The following ASAP1 variants were observed in gnomAD, a reference collection of about 807,000 sequenced individuals.
ASAP1 encodes the protein ArfGAP with SH3 domain, ankyrin repeat and PH domain 1.
A neutral mutation model predicts 145.2 loss-of-function variants in ASAP1; 43 were observed. The observed-to-expected ratio is 0.30, with a 90% CI of 0.23 to 0.38. ASAP1 has a LOEUF of 0.38. ASAP1 is among the 10% of genes least tolerant of loss of function. ASAP1 has a pLI of 1.00. For synonymous variants in ASAP1, 546 were observed against 515.5 expected (o/e 1.06, Z -0.80); for missense variants, 1,018 against 1,355.3 (o/e 0.75, Z 3.91).
rs138593403 is a variant in ASAP1, at chr8:130,306,613, T to C, written c.186+51404A>G. ...ACTAAGGGACAGATGTTAATAACCT[T>C]AGGGCACAAGCGGAACAAACTCAGC... On this transcript the variant is annotated intron_variant, in intron 3 of 29. Coordinates refer to ENST00000518721, the MANE Select transcript of ASAP1 (RefSeq NM_018482.4). Among the ~76,000 whole-genome samples the C allele has an allele frequency of 9.7e-4, 148 of 152,256 alleles. 2 individuals are homozygous for C. The highest frequency in any genetic ancestry group is 3.3e-3 in the African/African-American group (139 of 41,536).
At chr8:130,405,440 A>G (rs534127140) in intron 1 of ASAP1, among the ~76,000 whole-genome samples, 1 of 152,182 alleles carries the variant, frequency 6.6e-6, no homozygotes, top group Admixed American at 6.5e-5. Flanking sequence ...TGATGTACCA[A>G]CCTACCTCCA....
intron 3 of ASAP1, among the ~76,000 whole-genome samples, chr8:130,337,988 A>G (rs1825139235): frequency 6.6e-6 from 1 of 152,238 alleles, no homozygotes; most frequent in Non-Finnish European, 1.5e-5. Flanking sequence ...TTTGCTTCAC[A>G]ACAATCGTTG....
chr8:130,107,133 G>A (rs1389281962), intron 24 of ASAP1, among the ~76,000 whole-genome samples: 20 of 151,836 alleles, frequency 1.3e-4, no homozygotes, highest in Non-Finnish European at 2.9e-5. Flanking sequence ...GACAAGTATG[G>A]GGCAGGATTG....
rs193270534 is a variant in ASAP1, at chr8:130,272,173, A to C, written c.187-35179T>G. On this transcript the variant is annotated intron_variant, in intron 3 of 29. Transcript: ENST00000518721. ...AGCAAGACTCTGTCTCAAAAAACAA[A>C]AACAAAAAATGGGCAAAGGACATGA... 2.0e-3 allele frequency among the ~76,000 whole-genome samples: 304 copies of C among 152,138 alleles called. 1 individual carries two copies. The highest frequency in any genetic ancestry group is 0.01 in the Middle Eastern group (3 of 294).
chr8:130,360,560 CTAATT>C (rs1826663857), intron 2 of ASAP1: 1 of 152,162 alleles, frequency 6.6e-6, no homozygotes, highest in African/African-American at 2.4e-5. Flanking sequence ...AGGGTTCCAG[CTAATT>C]AAAGGGAAAT....
chr8:130,195,955 T>A (rs757869757), intron 5 of ASAP1, among the ~76,000 whole-genome samples: 1 of 152,240 alleles, frequency 6.6e-6, no homozygotes, highest in East Asian at 1.9e-4. Context: ...TTTACTGATT[T>A]ATCATCTTTC....
chr8:130,209,981 G>A (rs973080990), intron 5 of ASAP1, among the ~76,000 whole-genome samples: 6 of 152,142 alleles, frequency 3.9e-5, no homozygotes, highest in Admixed American at 3.9e-4. Context: ...AATTTGCCAC[G>A]AGCTGACAGT....
At chr8:130,394,343 G>C (rs760105031) in intron 2 of ASAP1, among the ~76,000 whole-genome samples, 1 of 152,132 alleles carries the variant, frequency 6.6e-6, no homozygotes, top group Non-Finnish European at 1.5e-5. Context: ...TTCTATGGTC[G>C]AGACTGTAGG....
intron 1 of ASAP1, among the ~76,000 whole-genome samples, chr8:130,429,048 C>T (rs1830048870): frequency 6.6e-6 from 1 of 152,186 alleles, no homozygotes; most frequent in Non-Finnish European, 1.5e-5. Context: ...GTAGCTGCAT[C>T]ACTGCAGTCA....
At chr8:130,195,241 A>T (rs1226541937) in intron 5 of ASAP1, 1 of 152,130 alleles carries the variant, frequency 6.6e-6, no homozygotes, top group Non-Finnish European at 1.5e-5. Context: ...CAACACATTT[A>T]AAATCATTTC....
intron 2 of ASAP1, among the ~76,000 whole-genome samples, chr8:130,392,814 G>A (rs35220844): frequency 0.095 from 14,479 of 151,966 alleles, 703 homozygotes; most frequent in Middle Eastern, 0.16. Context: ...GGGAGGGGCT[G>A]GGATCTTTTA....
intron 2 of ASAP1, among the ~76,000 whole-genome samples, chr8:130,373,388 G>A (rs1827323672): frequency 6.6e-6 from 1 of 152,078 alleles, no homozygotes; most frequent in Admixed American, 6.6e-5. Context: ...CAGTTATGCT[G>A]GGAATAGTGA....
At chr8:130,242,560 C>T (rs1181357661) in intron 3 of ASAP1, among the ~76,000 whole-genome samples, 4 of 152,028 alleles carry the variant, frequency 2.6e-5, no homozygotes, top group African/African-American at 9.7e-5. Flanking sequence ...GATTGAAGAG[C>T]AATGTGTTTA....
chr8:130,414,754 T>C (rs913162727), intron 1 of ASAP1, among the ~76,000 whole-genome samples: 1 of 151,408 alleles, frequency 6.6e-6, no homozygotes, highest in African/African-American at 2.4e-5. Context: ...TTCACTTCTA[T>C]AACTCTTTTT....
intron 18 of ASAP1, among the ~76,000 whole-genome samples, chr8:130,121,301 C>G (rs909491041): frequency 1.3e-5 from 2 of 152,194 alleles, no homozygotes; most frequent in African/African-American, 4.8e-5. Context: ...AACCTCAGCC[C>G]TACTGACATT....
At chr8:130,347,016 T>C (rs1384573764) in intron 3 of ASAP1, among the ~76,000 whole-genome samples, 1 of 152,210 alleles carries the variant, frequency 6.6e-6, no homozygotes, top group East Asian at 1.9e-4. Flanking sequence ...AGCCGTTCAA[T>C]GGAAGTAAAG....
intron 3 of ASAP1, among the ~76,000 whole-genome samples, chr8:130,354,601 C>T (rs980535422): frequency 6.6e-6 from 1 of 152,214 alleles, no homozygotes; most frequent in Non-Finnish European, 1.5e-5. Context: ...TTAGGGAAAA[C>T]GCTTATGCTC....
intron 3 of ASAP1, among the ~76,000 whole-genome samples, chr8:130,303,388 C>T (rs911903517): frequency 8.5e-5 from 13 of 152,212 alleles, no homozygotes; most frequent in African/African-American, 2.9e-4. Flanking sequence ...CTCTTTGTTG[C>T]GGGGGTCTCC....
chr8:130,257,734 A>T (rs1003927594), intron 3 of ASAP1, among the ~76,000 whole-genome samples: 3 of 152,090 alleles, frequency 2.0e-5, no homozygotes, highest in Non-Finnish European at 2.9e-5. Flanking sequence ...TCTGTTTTTT[A>T]AAAAATGTTT....
Sources: allele counts gnomAD v4.1 joint callset (sites outside exome capture counted in the v4.1 genomes callset), GRCh38; gene constraint gnomAD v4.1.1; transcripts MANE v1.5; gene names NCBI Gene and HGNC (gene_info 2026-07-23, HGNC 2026-07-21).